KRIT1: variants seen among roughly 807,000 people sequenced by gnomAD.
KRIT1 encodes the protein krev interaction trapped protein 1.
Under a neutral mutation model 95.8 loss-of-function variants are expected in KRIT1, and 45 were observed. That is an observed-to-expected ratio of 0.47 (90% CI 0.37 to 0.60). The LOEUF (loss-of-function observed/expected upper bound fraction) is 0.60. KRIT1 is among the 20% of genes least tolerant of loss of function. The probability of loss-of-function intolerance (pLI) is 0.00; values close to 1 mark genes in which losing one functional copy is unlikely to be tolerated. For synonymous variants in KRIT1, 282 were observed against 278.8 expected, an observed-to-expected ratio of 1.01 and a Z score of -0.11; for missense variants, 788 against 877.5, an observed-to-expected ratio of 0.90 and a Z score of 1.29.
chr7:92,220,081 G>C (rs1395085033), intron 14 of KRIT1, among the ~76,000 whole-genome samples: 1 of 152,172 alleles, frequency 6.6e-6, no homozygotes, highest in African/African-American at 2.4e-5. Flanking sequence ...ATTGGTGAAA[G>C]TGGACATCCT....
chr7:92,223,920 C>T (rs117946589), intron 12 of KRIT1, among the ~76,000 whole-genome samples: 58 of 152,298 alleles, frequency 3.8e-4, no homozygotes, highest in Non-Finnish European at 4.7e-4. Flanking sequence ...ACCCCTCCTA[C>T]CTTATTCATT....
intron 4 of KRIT1, among the ~76,000 whole-genome samples, 162 bp downstream of exon 4, chr7:92,241,872 G>A (rs1052139811): frequency 2.6e-5 from 4 of 152,026 alleles, no homozygotes; most frequent in Non-Finnish European, 5.9e-5. Flanking sequence ...AACAGCAAAT[G>A]GTCAAAAGGC....
intron 12 of KRIT1, 123 bp downstream of exon 12, chr7:92,225,597 A>G (rs1227789528): frequency 1.0e-5 from 7 of 695,754 alleles, no homozygotes; most frequent in Admixed American, 4.2e-5. Flanking sequence ...CTGGCCTACA[A>G]TGAGGTTTTA....
chr7:92,227,206 A>G (rs1352754378), intron 10 of KRIT1, among the ~76,000 whole-genome samples: 2 of 152,252 alleles, frequency 1.3e-5, no homozygotes, highest in African/African-American at 4.8e-5. Context: ...GAGGCAAAAC[A>G]TAAACATGGG....
At chr7:92,244,682 G>A (rs1461817268) in intron 2 of KRIT1, among the ~76,000 whole-genome samples, 1 of 152,180 alleles carries the variant, frequency 6.6e-6, no homozygotes, top group African/African-American at 2.4e-5. Flanking sequence ...TGAGTAGCTT[G>A]AACTAAAATA....
intron 10 of KRIT1, among the ~76,000 whole-genome samples, chr7:92,231,557 T>A (rs922676378): frequency 6.6e-6 from 1 of 152,176 alleles, no homozygotes; most frequent in African/African-American, 2.4e-5. Context: ...TATCTTGTCT[T>A]ACAAAAATAG....
intron 12 of KRIT1, among the ~76,000 whole-genome samples, chr7:92,224,841 T>C (rs1795889021): frequency 6.6e-6 from 1 of 152,154 alleles, no homozygotes; most frequent in African/African-American, 2.4e-5. Context: ...AGTATAGGGA[T>C]ATGTGACAAT....
intron 1 of KRIT1, 31 bp downstream of exon 1, chr7:92,245,759 G>A (rs1192968097): frequency 6.5e-6 from 1 of 152,938 alleles, no homozygotes; most frequent in Non-Finnish European, 1.5e-5. Flanking sequence ...CAAAAGCTCA[G>A]GTCTCTGGAG....
intron 17 of KRIT1, among the ~76,000 whole-genome samples, 178 bp downstream of exon 17, chr7:92,213,017 T>A (rs1793202390): frequency 6.6e-6 from 1 of 152,184 alleles, no homozygotes. Flanking sequence ...AATGCAGAAA[T>A]GTAATATAAT....
At chr7:92,210,506 A>C (rs1166897697) in intron 17 of KRIT1, among the ~76,000 whole-genome samples, 1 of 152,234 alleles carries the variant, frequency 6.6e-6, no homozygotes, top group Non-Finnish European at 1.5e-5. Flanking sequence ...ACTAGACTCC[A>C]TCTCTCACCA....
intron 17 of KRIT1, among the ~76,000 whole-genome samples, chr7:92,209,974 G>A (rs779069422): frequency 3.7e-4 from 56 of 152,200 alleles, no homozygotes; most frequent in Non-Finnish European, 6.0e-4. Context: ...TTGGGAGGCC[G>A]AGGCAGGAAA....
chr7:92,241,784 T>A (rs1220433826), intron 4 of KRIT1, among the ~76,000 whole-genome samples: 1 of 152,174 alleles, frequency 6.6e-6, no homozygotes. Flanking sequence ...TCACAAACTG[T>A]AAGAAAACTG....
At chr7:92,220,898 C>G (rs1316327931) in intron 14 of KRIT1, among the ~76,000 whole-genome samples, 1 of 151,222 alleles carries the variant, frequency 6.6e-6, no homozygotes, top group Non-Finnish European at 1.5e-5. Flanking sequence ...CCATCTTGGC[C>G]GGGCTGGTCT....
chr7:92,235,703 T>TA, intron 7 of KRIT1, 57 bp from the exon 8 acceptor site: 6 of 1,544,936 alleles, frequency 3.9e-6, no homozygotes, highest in Non-Finnish European at 5.4e-6. Flanking sequence ...ATGAAAAAGA[T>TA]AGATTACTAT....
chr7:92,209,459 C>A (rs1291530492), intron 17 of KRIT1, among the ~76,000 whole-genome samples: 1 of 152,072 alleles, frequency 6.6e-6, no homozygotes, highest in Non-Finnish European at 1.5e-5. Context: ...TACAGAAAGA[C>A]CTAGACTCTA....
intron 17 of KRIT1, among the ~76,000 whole-genome samples, chr7:92,204,938 C>T (rs1563220111): frequency 2.6e-5 from 4 of 152,124 alleles, no homozygotes; most frequent in Non-Finnish European, 4.4e-5. Context: ...TCTCCATTCA[C>T]GTGTGTATCT....
chr7:92,217,048 CAT>C (rs1362379569), intron 14 of KRIT1, among the ~76,000 whole-genome samples: 1 of 152,184 alleles, frequency 6.6e-6, no homozygotes, highest in African/African-American at 2.4e-5. Context: ...ATTATCATGA[CAT>C]TCTGGTTTAC....
chr7:92,243,418 T>C (rs1025628845), intron 3 of KRIT1, among the ~76,000 whole-genome samples: 1 of 152,120 alleles, frequency 6.6e-6, no homozygotes, highest in Admixed American at 6.5e-5. Context: ...TTCCCAGCTA[T>C]GTTGAGATGA....
chr7:92,201,523 A>G (rs2131091974), intron 17 of KRIT1, 100 bp from the exon 18 acceptor site: 1 of 746,964 alleles, frequency 1.3e-6, no homozygotes, highest in South Asian at 1.4e-5. Flanking sequence ...TAAATATAAT[A>G]GTTCAGAATG....
Sources: gnomAD v4.1 joint callset for allele counts (sites outside exome capture counted in the v4.1 genomes callset) on GRCh38, gnomAD v4.1.1 for gene constraint, MANE v1.5 for transcripts, NCBI Gene and HGNC (gene_info 2026-07-23, HGNC 2026-07-21) for gene names.